Variants in SMYD3 observed in about 807,000 individuals in gnomAD.
SMYD3 encodes the protein histone-lysine N-methyltransferase SMYD3.
A neutral mutation model predicts 57.7 loss-of-function variants in SMYD3; 36 were observed. The ratio of observed to expected loss-of-function variants is 0.62; its 90% confidence interval spans 0.48 to 0.82. The LOEUF (loss-of-function observed/expected upper bound fraction) is 0.82. Among genes scored for constraint, SMYD3 ranks in the 40% least tolerant of loss-of-function variants. The pLI is 0.00. For synonymous variants in SMYD3, 211 were observed against 195.0 expected, an observed-to-expected ratio of 1.08 and a Z score of -0.68; for missense variants, 515 against 538.8, an observed-to-expected ratio of 0.96 and a Z score of 0.44.
chr1:246,358,180 A>G (rs1004975268), intron 1 of SMYD3, among the ~76,000 whole-genome samples: 2 of 151,744 alleles, frequency 1.3e-5, no homozygotes, highest in African/African-American at 4.8e-5. Flanking sequence ...TATAGACAAA[A>G]CAGACTTTAA....
In SMYD3 at chr1:246,002,468, G is replaced by A. The variant is rs113183690; in HGVS notation, c.532-72531C>T. ...CAAAGTGCTGGGATTACAGGCGCCC[G>A]CCACCACGCCCGGCTAATTTTTTGT... On this transcript the variant is annotated intron_variant, in intron 5 of 11. Coordinates refer to ENST00000490107, the MANE Select transcript of SMYD3 (RefSeq NM_001167740.2). Among the ~76,000 whole-genome samples the A allele has an allele frequency of 6.4e-3, 232 of 36,282 alleles. 4 individuals carry two copies. The highest frequency in any genetic ancestry group is 0.01 in the East Asian group (15 of 1,434). The allele number at this position is 36,282 out of a possible 152,430, so 23.8% of individuals were successfully genotyped here.
At chr1:246,086,001 C>A (rs1031872682) in intron 5 of SMYD3, among the ~76,000 whole-genome samples, 6 of 150,696 alleles carry the variant, frequency 4.0e-5, no homozygotes, top group African/African-American at 9.8e-5. Context: ...TTTCCTTTTG[C>A]CTTTGCTTGA....
At chr1:246,283,936 A>G (rs1160950897) in intron 5 of SMYD3, among the ~76,000 whole-genome samples, 1 of 152,222 alleles carries the variant, frequency 6.6e-6, no homozygotes, top group Non-Finnish European at 1.5e-5. Flanking sequence ...GAAGTCAAGC[A>G]TTTAAATGTA....
At chr1:246,423,649 A>C (rs2067176991) in intron 1 of SMYD3, among the ~76,000 whole-genome samples, 1 of 152,192 alleles carries the variant, frequency 6.6e-6, no homozygotes, top group South Asian at 2.1e-4. Flanking sequence ...TAAGCTGGGC[A>C]ATATATTTTA....
intron 5 of SMYD3, among the ~76,000 whole-genome samples, chr1:246,026,731 C>T (rs888935824): frequency 2.6e-5 from 4 of 152,180 alleles, no homozygotes; most frequent in African/African-American, 9.7e-5. Context: ...TCTCCTCAGG[C>T]CTCCATATCC....
chr1:245,815,552 T>G (rs898727128), intron 10 of SMYD3, among the ~76,000 whole-genome samples: 18 of 152,342 alleles, frequency 1.2e-4, no homozygotes, highest in African/African-American at 4.3e-4. Flanking sequence ...ATATTAAGAC[T>G]TGAGCATCAC....
At chr1:245,948,062 A>G (rs974263627) in intron 5 of SMYD3, among the ~76,000 whole-genome samples, 2 of 152,108 alleles carry the variant, frequency 1.3e-5, no homozygotes, top group East Asian at 1.9e-4. Flanking sequence ...CGGTTTCGCC[A>G]GAACCTCGGT....
At position 245,875,465 on chromosome 1, in the gene SMYD3, G is replaced by C. The variant is rs549087538; in HGVS notation, c.814-11579C>G. Among the ~76,000 whole-genome samples, 83 of 152,290 alleles carry C rather than the reference G, an allele frequency of 5.5e-4. 1 individual carries two copies. Among genetic ancestry groups the C allele is most frequent in the African/African-American group, 2.0e-3 (82 of 41,554 alleles). ...CTACCAGAGAACTGCTCACTGAGCC[G>C]CCTGAGTCGTGCACATCTTCCATTA... On this transcript the variant is annotated intron_variant, in intron 8 of 11. Coordinates refer to ENST00000490107, the MANE Select transcript of SMYD3 (RefSeq NM_001167740.2).
intron 5 of SMYD3, among the ~76,000 whole-genome samples, chr1:246,308,125 G>T (rs899482856): frequency 6.6e-6 from 1 of 152,162 alleles, no homozygotes; most frequent in African/African-American, 2.4e-5. Flanking sequence ...AACGTGGAAA[G>T]CAAGATTTAC....
rs543127746 is a variant in SMYD3 at position 246,212,865 on chromosome 1, A to C, written c.531+114336T>G. ...AATATGTACCAAGCACAAGGCATAC[A>C]AATGTAGACAGGACGTTCTTGGGTT... On this transcript the variant is annotated intron_variant, in intron 5 of 11. Coordinates refer to ENST00000490107, the MANE Select transcript of SMYD3 (RefSeq NM_001167740.2). Among the ~76,000 whole-genome samples the C allele has an allele frequency of 4.6e-5, 7 of 152,308 alleles. 1 individual carries two copies. Among genetic ancestry groups the C allele is most frequent in the African/African-American group, 1.7e-4 (7 of 41,538 alleles).
intron 1 of SMYD3, among the ~76,000 whole-genome samples, chr1:246,392,840 T>C (rs1355632988): frequency 6.7e-6 from 1 of 149,004 alleles, no homozygotes; most frequent in Non-Finnish European, 1.5e-5. Context: ...TAAAGAAACA[T>C]TTCACTAAAA....
chr1:246,371,244 CATTGGA>C (rs1465625581), intron 1 of SMYD3, among the ~76,000 whole-genome samples: 5 of 152,292 alleles, frequency 3.3e-5, no homozygotes, highest in Admixed American at 2.6e-4. Context: ...GACAGCTAAT[CATTGGA>C]AATAAGTGAA....
At chr1:246,000,620 A>G (rs895985719) in intron 5 of SMYD3, among the ~76,000 whole-genome samples, 1 of 152,184 alleles carries the variant, frequency 6.6e-6, no homozygotes, top group African/African-American at 2.4e-5. Flanking sequence ...GGACACCACC[A>G]TACACACAGT....
intron 5 of SMYD3, among the ~76,000 whole-genome samples, chr1:245,970,832 C>A (rs2058280899): frequency 6.6e-6 from 1 of 152,186 alleles, no homozygotes; most frequent in African/African-American, 2.4e-5. Context: ...AATAGGAACA[C>A]TTTTACACTA....
rs779596702 is a variant in SMYD3, at chr1:246,007,027, G to C, written c.532-77090C>G. Among the ~76,000 whole-genome samples the C allele has an allele frequency of 3.0e-4, 46 of 152,138 alleles. 1 individual carries two copies. Among genetic ancestry groups the C allele is most frequent in the Admixed American group, 1.5e-3 (23 of 15,274 alleles). ...TCTGTTCTGAGGTGCTGCTGAGAGG[G>C]GCTTCCTCTCCTGGGCCAGAACTGA... On this transcript the variant is annotated intron_variant, in intron 5 of 11. Coordinates refer to ENST00000490107, the MANE Select transcript of SMYD3 (RefSeq NM_001167740.2).
At chr1:246,348,077 T>TATACAC in intron 2 of SMYD3, among the ~76,000 whole-genome samples, 1 of 86,464 alleles carries the variant, frequency 1.2e-5, no homozygotes, top group Admixed American at 1.4e-4. Context: ...TATATATATA[T>TATACAC]ACACACACAC....
intron 10 of SMYD3, among the ~76,000 whole-genome samples, chr1:245,828,394 G>C (rs570528244): frequency 6.6e-6 from 1 of 152,222 alleles, no homozygotes; most frequent in South Asian, 2.1e-4. Context: ...TGTATTGTTA[G>C]AGCCATCTAC....
intron 5 of SMYD3, among the ~76,000 whole-genome samples, chr1:246,071,264 G>C (rs1023956824): frequency 2.7e-4 from 41 of 152,230 alleles, no homozygotes; most frequent in African/African-American, 8.7e-4. Flanking sequence ...TTGTGGGAGT[G>C]GGGATGTGTA....
intron 5 of SMYD3, among the ~76,000 whole-genome samples, chr1:246,147,879 A>G (rs1346110008): frequency 6.6e-6 from 1 of 152,084 alleles, no homozygotes; most frequent in African/African-American, 2.4e-5. Context: ...GCATCTCTGC[A>G]GCCTGCACCC....
Sources: allele counts gnomAD v4.1 joint callset (sites outside exome capture counted in the v4.1 genomes callset), GRCh38; gene constraint gnomAD v4.1.1; transcripts MANE v1.5; gene names NCBI Gene and HGNC (gene_info 2026-07-23, HGNC 2026-07-21).